The following OTOA variants were observed in gnomAD, a reference collection of about 807,000 sequenced individuals.
The protein encoded by OTOA is otoancorin.
Under a neutral mutation model 110.8 loss-of-function variants are expected in OTOA, and 70 were observed. The ratio of observed to expected loss-of-function variants is 0.63; its 90% CI spans 0.52 to 0.77. The LOEUF (loss-of-function observed/expected upper bound fraction) is 0.77. Among genes scored for constraint, OTOA ranks in the 30% least tolerant of loss-of-function variants. The pLI, the probability that OTOA is intolerant of heterozygous loss-of-function variation, is 0.00. For synonymous variants in OTOA, 373 were observed against 431.5 expected, an observed-to-expected ratio of 0.86 and a Z score of 1.68; for missense variants, 917 against 1,075.8, an observed-to-expected ratio of 0.85 and a Z score of 2.06.
chr16:21,727,516 G>A (rs1460545332), intron 19 of OTOA, among the ~76,000 whole-genome samples: 6 of 152,130 alleles, frequency 3.9e-5, no homozygotes, highest in Non-Finnish European at 7.4e-5. Context: ...TACTCAGGAC[G>A]GTGCCCGCAC....
chr16:21,684,751 T>G (rs1966974692), intron 6 of OTOA, among the ~76,000 whole-genome samples: 1 of 84,542 alleles, frequency 1.2e-5, no homozygotes, highest in African/African-American at 3.5e-5. Flanking sequence ...ATTATTATTA[T>G]TATTATTATT....
chr16:21,685,094 GCCAAA>G (rs1897684118), intron 6 of OTOA, 131 bp from the exon 7 acceptor site: 4 of 1,271,774 alleles, frequency 3.1e-6, no homozygotes, highest in Non-Finnish European at 4.4e-6. Context: ...TTTGGAGGTG[GCCAAA>G]CCAGACTGCT....
chr16:21,688,511 T>C (rs1218419464), intron 8 of OTOA, among the ~76,000 whole-genome samples: 1 of 152,166 alleles, frequency 6.6e-6, no homozygotes, highest in African/African-American at 2.4e-5. Context: ...GTTAGTCAGA[T>C]TGGGCTGCTG....
rs368095859 is a variant in OTOA at position 21,737,416 on chromosome 16, G to A, written c.2431+1026G>A. ...AGTTTTGTATTATTAGTAAAGACGG[G>A]GTTTCACAATGTTGGCCAGGCTGGT... On this transcript the variant is annotated intron_variant, in intron 22 of 28. Coordinates refer to ENST00000646100, the MANE Select transcript of OTOA (RefSeq NM_144672.4). Among the ~76,000 whole-genome samples the A allele has an allele frequency of 1.8e-4, 28 of 152,382 alleles. No individual in the cohort carries two copies. The East Asian group carries it at 4.2e-3, about 23-fold the overall frequency.
chr16:21,701,038 GA>G lies in OTOA; in HGVS notation c.980+12del. On this transcript the variant is annotated intron_variant, in intron 11 of 28. Transcript: ENST00000646100. ...CTCCACCATCCACAGGCAAGCGCAT[GA>G]GCTCTGGGCCTTGGAGCCCTTTCCC... is the stretch of plus-strand genomic sequence containing the variant. 1 of 1,614,142 alleles carries G rather than the reference GA, an allele frequency of 6.2e-7. No individual in the cohort carries two copies. Among genetic ancestry groups the G allele is most frequent in the Non-Finnish European group, 8.5e-7 (1 of 1,180,044 alleles).
intron 15 of OTOA, among the ~76,000 whole-genome samples, chr16:21,717,504 G>C (rs532609626): frequency 1.3e-5 from 2 of 152,254 alleles, no homozygotes; most frequent in South Asian, 4.1e-4. Flanking sequence ...ATTAGCTTTG[G>C]AGAAGTTCCT....
At chr16:21,724,815 C>T (rs1020839414) in intron 18 of OTOA, among the ~76,000 whole-genome samples, 2 of 152,090 alleles carry the variant, frequency 1.3e-5, no homozygotes, top group African/African-American at 4.8e-5. Context: ...CTCCCTCTGT[C>T]ACCCAGGCTG....
Position 21,726,632 on chromosome 16 carries a change from G to A in OTOA, c.1990G>A (p.Val664Ile), listed in dbSNP as rs1031928641. 6 of 1,614,064 alleles carry A rather than the reference G, an allele frequency of 3.7e-6. No homozygotes were observed. The highest frequency in any genetic ancestry group is 5.1e-6 in the Non-Finnish European group (6 of 1,180,004). The change falls in exon 19 of 29, where the codon GTC becomes ATC. Residue 664 changes from valine (V) to isoleucine (I), a missense_variant. By Grantham distance (29) the Val-to-Ile change is conservative (BLOSUM62 3). Transcript: ENST00000646100. ...LVLDSHKKTS[V>I]LRKVQQCLDD... ...TTTAGATTCCCACAAAAAGACTTCAGTCCTCAGGAAAGTGCAGCAGTGCCT... is the reference window on the plus strand; with the variant it reads ...TTTAGATTCCCACAAAAAGACTTCAATCCTCAGGAAAGTGCAGCAGTGCCT...
In OTOA at chr16:21,669,059, G is replaced by A. The variant is rs149733583; in HGVS notation, c.-5+4827G>A. 9.6e-3 allele frequency among the ~76,000 whole-genome samples: 1,463 copies of A among 151,946 alleles called. 31 individuals are homozygous for A. Among genetic ancestry groups the A allele is most frequent in the African/African-American group, 0.034 (1,405 of 41,416 alleles). On this transcript the variant is annotated intron_variant, in intron 1 of 28. Transcript: ENST00000646100. ...GTTTAAATACATGCTGACTATCTGG[G>A]GCCGGGTGCAGTGGGATTACATGCC...
At chr16:21,736,135 T>C (rs1899286541) in intron 21 of OTOA, 126 bp from the exon 22 acceptor site, 1 of 836,754 alleles carries the variant, frequency 1.2e-6, no homozygotes, top group Non-Finnish European at 2.0e-6. Context: ...GGGAATAGAT[T>C]TATATGAGAA....
rs547110314 is a variant in OTOA, at chr16:21,665,707, G to A, written c.-5+1475G>A. Among the ~76,000 whole-genome samples, 13 of 152,152 alleles carry A rather than the reference G, an allele frequency of 8.5e-5. No individual in the cohort carries two copies. In the South Asian group the frequency reaches 1.5e-3, roughly 17 times the overall value. ...TTGAATCCAAAGCCATTTGTTCTCC[G>A]GAGACTTAGGAGAGAAGAAGGGGAA... On this transcript the variant is annotated intron_variant, in intron 1 of 28. Transcript: ENST00000646100.
Position 21,727,538 on chromosome 16 carries a change from A to G in OTOA, c.2017-703A>G, listed in dbSNP as rs191928001. On this transcript the variant is annotated intron_variant, in intron 19 of 28. Coordinates refer to ENST00000646100, the MANE Select transcript of OTOA (RefSeq NM_144672.4). ...GACGGTGCCCGCACATAGGAAACAC[A>G]CAATAAATGTGAACTATTTTTGTCA... 2.2e-3 allele frequency among the ~76,000 whole-genome samples: 334 copies of G among 152,328 alleles called. 1 individual carries two copies. Among genetic ancestry groups the G allele is most frequent in the Middle Eastern group, 3.4e-3 (1 of 294 alleles).
chr16:21,678,780 T>C, intron 2 of OTOA, 135 bp from the exon 3 acceptor site: 1 of 1,249,280 alleles, frequency 8.0e-7, no homozygotes, highest in Non-Finnish European at 1.2e-6. Context: ...TTTCTCAGAG[T>C]GGACAGTTAT....
chr16:21,688,575 A>T, intron 8 of OTOA, among the ~76,000 whole-genome samples: 1 of 152,116 alleles, frequency 6.6e-6, no homozygotes, highest in East Asian at 1.9e-4. Context: ...TTTATTTCTC[A>T]TGGTTCTGGA....
At chr16:21,706,516 A>C (rs961343175) in intron 12 of OTOA, among the ~76,000 whole-genome samples, 2 of 152,180 alleles carry the variant, frequency 1.3e-5, no homozygotes, top group Admixed American at 6.6e-5. Flanking sequence ...GCCAGGATTG[A>C]GAACACTGGA....
chr16:21,702,805 A>G (rs1567376291), intron 11 of OTOA, among the ~76,000 whole-genome samples: 1 of 152,052 alleles, frequency 6.6e-6, no homozygotes, highest in Non-Finnish European at 1.5e-5. Context: ...CCTCCCAAGT[A>G]GCTGGGACTA....
chr16:21,738,311 T>C (rs112639055), intron 22 of OTOA, among the ~76,000 whole-genome samples: 17,092 of 89,772 alleles, frequency 0.19, 2 homozygotes, highest in Middle Eastern at 0.29. Flanking sequence ...AGCCATGTAG[T>C]GACTGTTAAA....
chr16:21,715,443 G>T lies in OTOA; in HGVS notation c.1488+291G>T, dbSNP rs150588. Among the ~76,000 whole-genome samples the T allele has an allele frequency of 0.92, 137,972 of 149,206 alleles. 64,177 individuals are homozygous for T. The highest frequency in any genetic ancestry group is 0.98 in the African/African-American group (39,820 of 40,800). ...CTTATAACACTTCAGGTTCAAGTTT[G>T]TTTTTTTTTTTTGAGACAGTCTTTC... On this transcript the variant is annotated intron_variant, in intron 14 of 28. Coordinates refer to ENST00000646100, the MANE Select transcript of OTOA (RefSeq NM_144672.4).
At chr16:21,687,387 G>T in intron 7 of OTOA, 26 bp from the exon 8 acceptor site, 1 of 1,604,498 alleles carries the variant, frequency 6.2e-7, no homozygotes, top group South Asian at 1.1e-5. Flanking sequence ...CTCTCAAACT[G>T]ACCCTGGCTT....
Sources: allele counts gnomAD v4.1 joint callset (sites outside exome capture counted in the v4.1 genomes callset), GRCh38; gene constraint gnomAD v4.1.1; transcripts MANE v1.5; gene names NCBI Gene and HGNC (gene_info 2026-07-23, HGNC 2026-07-21).